ME3: variants seen among roughly 807,000 people sequenced by gnomAD.
The protein encoded by ME3 is malic enzyme 3.
A neutral mutation model predicts 68.9 loss-of-function variants in ME3; 48 were observed. That is an observed-to-expected ratio of 0.70 (90% CI 0.55 to 0.89). ME3 has a LOEUF of 0.89. ME3 is among the 40% of genes least tolerant of loss of function. The pLI, the probability that ME3 is intolerant of heterozygous loss-of-function variation, is 0.00. For missense variants in ME3, 675 were observed against 797.4 expected (o/e 0.85, Z 1.85); for synonymous variants, 320 against 318.8 (o/e 1.00, Z -0.04).
intron 2 of ME3, among the ~76,000 whole-genome samples, chr11:86,625,200 A>C (rs1318711927): frequency 6.6e-6 from 1 of 152,158 alleles, no homozygotes; most frequent in African/African-American, 2.4e-5. Flanking sequence ...CCAGACAGTA[A>C]CTATCGTTAA....
intron 8 of ME3, among the ~76,000 whole-genome samples, chr11:86,458,763 G>T (rs1348514544): frequency 6.6e-6 from 1 of 152,012 alleles, no homozygotes; most frequent in Admixed American, 6.5e-5. Flanking sequence ...AGAGAGGGCA[G>T]TTGACCCCCG....
intron 7 of ME3, among the ~76,000 whole-genome samples, chr11:86,485,951 C>T (rs1951664845): frequency 6.6e-6 from 1 of 152,192 alleles, no homozygotes; most frequent in South Asian, 2.1e-4. Context: ...CATGATCCAG[C>T]TTCCCAGTCT....
intron 6 of ME3, among the ~76,000 whole-genome samples, chr11:86,493,601 T>C (rs1156648882): frequency 1.3e-5 from 2 of 152,078 alleles, no homozygotes; most frequent in African/African-American, 2.4e-5. Flanking sequence ...ACAAAATAAA[T>C]CCAATCCACA....
chr11:86,643,633 C>A (rs926913523), intron 2 of ME3, among the ~76,000 whole-genome samples: 11 of 152,108 alleles, frequency 7.2e-5, no homozygotes, highest in Non-Finnish European at 1.5e-4. Context: ...CCCATGAATG[C>A]AAAACTTGGA....
chr11:86,454,052 A>G (rs1292810510), intron 8 of ME3, among the ~76,000 whole-genome samples: 5 of 152,250 alleles, frequency 3.3e-5, no homozygotes, highest in South Asian at 2.1e-4. Context: ...AGTAATCACA[A>G]TCAGCAACAC....
intron 2 of ME3, among the ~76,000 whole-genome samples, chr11:86,595,828 GCTCC>G (rs980847053): frequency 6.6e-6 from 1 of 152,234 alleles, no homozygotes; most frequent in Non-Finnish European, 1.5e-5. Context: ...AAGAACAGAA[GCTCC>G]CAGGTATGCT....
At chr11:86,528,073 G>A (rs1352764518) in intron 4 of ME3, among the ~76,000 whole-genome samples, 5 of 152,282 alleles carry the variant, frequency 3.3e-5, no homozygotes, top group Non-Finnish European at 7.3e-5. Context: ...ATTGGATAAA[G>A]AGTCAAGACC....
At chr11:86,624,781 C>T (rs78517313) in intron 2 of ME3, among the ~76,000 whole-genome samples, 3,774 of 152,218 alleles carry the variant, frequency 0.025, 138 homozygotes, top group African/African-American at 0.081. Flanking sequence ...CATCAGATAG[C>T]GGGAGAGAAA....
intron 2 of ME3, among the ~76,000 whole-genome samples, chr11:86,642,970 T>C (rs987022498): frequency 6.6e-6 from 1 of 150,568 alleles, no homozygotes; most frequent in Non-Finnish European, 1.5e-5. Context: ...AAATTTATGA[T>C]GGATAAATAT....
chr11:86,589,473 A>G (rs1267774944), intron 2 of ME3, among the ~76,000 whole-genome samples: 3 of 152,206 alleles, frequency 2.0e-5, no homozygotes, highest in East Asian at 3.9e-4. Context: ...AGACTCTAGC[A>G]TATCCTCTGA....
rs117343165 is a variant in ME3 at position 86,610,422 on chromosome 11, T to G, written c.184-50599A>C. 5.9e-3 allele frequency among the ~76,000 whole-genome samples: 893 copies of G among 152,276 alleles called. 4 individuals are homozygous for G. The highest frequency in any genetic ancestry group is 9.8e-3 in the Non-Finnish European group (669 of 68,018). On this transcript the variant is annotated intron_variant, in intron 2 of 14. Transcript: ENST00000543262. ...GATATTTCATGGAGAAAGGGGCATT[T>G]AAGTTGAGCCTAGATATTATGGGGA...
intron 4 of ME3, among the ~76,000 whole-genome samples, chr11:86,540,928 A>G (rs771257160): frequency 6.6e-6 from 1 of 152,166 alleles, no homozygotes; most frequent in Non-Finnish European, 1.5e-5. Context: ...TGCATTTCCA[A>G]CTGAGGTACC....
chr11:86,661,217 T>C (rs1946254301), intron 2 of ME3, among the ~76,000 whole-genome samples: 1 of 152,238 alleles, frequency 6.6e-6, no homozygotes, highest in South Asian at 2.1e-4. Context: ...CCATGACTAC[T>C]ACAAATGCTA....
chr11:86,614,680 T>C (rs913664618), intron 2 of ME3, among the ~76,000 whole-genome samples: 3 of 152,172 alleles, frequency 2.0e-5, no homozygotes, highest in Non-Finnish European at 2.9e-5. Context: ...GGATTTTTTT[T>C]CATAGTCTCT....
chr11:86,533,077 G>C (rs1341422402), intron 4 of ME3, among the ~76,000 whole-genome samples: 1 of 150,458 alleles, frequency 6.6e-6, no homozygotes, highest in Non-Finnish European at 1.5e-5. Flanking sequence ...TCACAAACAA[G>C]TAACCTAATC....
intron 7 of ME3, among the ~76,000 whole-genome samples, chr11:86,475,059 A>C (rs1300080910): frequency 1.3e-5 from 2 of 152,202 alleles, no homozygotes; most frequent in Non-Finnish European, 2.9e-5. Flanking sequence ...GGGAAAATTG[A>C]ATTCTTCAGG....
Position 86,447,059 on chromosome 11 carries a change from G to A in ME3, c.1380+6C>T, listed in dbSNP as rs376347998. 2.5e-5 allele frequency: 41 copies of A among 1,613,272 alleles called. No individual in the cohort carries two copies. In the East Asian group the frequency reaches 2.9e-4, roughly 11 times the overall value. Reference sequence around the variant, plus strand: ...CAGCCGGGGGAAGGAAGGACTCCCCGCTGACCTCGGTGACCCGGTAGCACT... The same window carrying A: ...CAGCCGGGGGAAGGAAGGACTCCCCACTGACCTCGGTGACCCGGTAGCACT... On this transcript the variant is annotated splice_donor_region_variant and intron_variant, in intron 12 of 14. Transcript: ENST00000543262.
chr11:86,436,112 G>A (rs1948896611), downstream of ME3: 1 of 152,170 alleles, frequency 6.6e-6, no homozygotes, highest in Non-Finnish European at 1.5e-5. Flanking sequence ...GAGTTAGAGT[G>A]AAGACTTACA....
chr11:86,482,947 A>G (rs1477092063), intron 7 of ME3, among the ~76,000 whole-genome samples: 1 of 152,188 alleles, frequency 6.6e-6, no homozygotes, highest in Non-Finnish European at 1.5e-5. Context: ...ATAAAATGTT[A>G]AGCCAGTAAG....
Sources: allele counts gnomAD v4.1 joint callset (sites outside exome capture counted in the v4.1 genomes callset), GRCh38; gene constraint gnomAD v4.1.1; transcripts MANE v1.5; gene names NCBI Gene and HGNC (gene_info 2026-07-23, HGNC 2026-07-21).